Variants in NEK3 observed in about 807,000 individuals in gnomAD.
NEK3 encodes the protein NIMA related kinase 3.
NEK3 carries 54 observed loss-of-function variants against 66.0 expected under a neutral mutation model. That is an observed-to-expected ratio of 0.82 (90% CI 0.66 to 1.03). The LOEUF is 1.03. Among genes scored for constraint, NEK3 ranks in the 50% least tolerant of loss-of-function variants. The probability of loss-of-function intolerance (pLI) is 0.00; values close to 1 mark genes in which losing one functional copy is unlikely to be tolerated. For missense variants in NEK3, 593 were observed against 603.0 expected (o/e 0.98, Z 0.17); for synonymous variants, 200 against 206.2 (o/e 0.97, Z 0.26).
chr13:52,135,581 G>A (rs1956196962), intron 14 of NEK3, 148 bp downstream of exon 14: 1 of 584,532 alleles, frequency 1.7e-6, no homozygotes. Flanking sequence ...GATGGAAACT[G>A]GTGATGGCTG....
intron 8 of NEK3, among the ~76,000 whole-genome samples, chr13:52,147,961 A>T (rs1309902251): frequency 6.6e-6 from 1 of 152,152 alleles, no homozygotes; most frequent in Non-Finnish European, 1.5e-5. Context: ...GCACCACTGC[A>T]CTCCAGACTG....
At chr13:52,143,599 G>T (rs1244446717) in intron 10 of NEK3, among the ~76,000 whole-genome samples, 1 of 152,180 alleles carries the variant, frequency 6.6e-6, no homozygotes, top group Non-Finnish European at 1.5e-5. Flanking sequence ...TTCATGGATA[G>T]ATTCTTAGGT....
intron 2 of NEK3, among the ~76,000 whole-genome samples, chr13:52,155,660 C>T (rs943156963): frequency 6.6e-6 from 1 of 151,558 alleles, no homozygotes; most frequent in South Asian, 2.1e-4. Flanking sequence ...GGAGAAATTC[C>T]ATGTTAAAAC....
chr13:52,151,265 G>C (rs1300353398), intron 6 of NEK3, 33 bp from the exon 7 acceptor site: 2 of 1,594,518 alleles, frequency 1.3e-6, no homozygotes, highest in Non-Finnish European at 1.7e-6. Context: ...AATGATTACA[G>C]AACATTCCTG....
intron 8 of NEK3, among the ~76,000 whole-genome samples, chr13:52,146,081 T>G (rs893696304): frequency 2.0e-5 from 3 of 152,320 alleles, no homozygotes; most frequent in Middle Eastern, 3.4e-3. Flanking sequence ...ATAGTCAAAT[T>G]TATTCATCAT....
intron 4 of NEK3, among the ~76,000 whole-genome samples, 163 bp downstream of exon 4, chr13:52,153,732 T>C (rs1956366506): frequency 1.3e-5 from 2 of 152,146 alleles, no homozygotes; most frequent in Admixed American, 6.5e-5. Context: ...CAGGCAGCCA[T>C]ATCCTGAGGA....
intron 4 of NEK3, among the ~76,000 whole-genome samples, chr13:52,153,284 C>T (rs1477709113): frequency 6.6e-6 from 1 of 152,008 alleles, no homozygotes; most frequent in African/African-American, 2.4e-5. Flanking sequence ...CTACGGAACC[C>T]ACATTTTTAA....
chr13:52,137,553 T>C (rs1594021703), intron 11 of NEK3, among the ~76,000 whole-genome samples: 1 of 152,182 alleles, frequency 6.6e-6, no homozygotes, highest in African/African-American at 2.4e-5. Context: ...TAAGCAGTGG[T>C]TCTGAAACTT....
Position 52,143,946 on chromosome 13 carries a change from T to C in NEK3, c.846A>G (p.Lys282=). 6.6e-7 allele frequency: 1 copy of C among 1,505,910 alleles called. No homozygotes were observed. Among genetic ancestry groups the C allele is most frequent in the Non-Finnish European group, 9.0e-7 (1 of 1,110,554 alleles). The allele number at this position is 1,505,910 out of a possible 1,614,324, so 93.3% of individuals were successfully genotyped here. A position where few individuals can be genotyped will look rare whatever the true frequency, so the allele number is the denominator to read the frequency against. Residue 282 remains lysine, a synonymous_variant, in exon 10 of 16, where the codon AAA becomes AAG. Transcript: ENST00000610828. The part of the protein sequence containing the change: ...EYGEEVLEEI[K]NSKHNTPRKK... ...TTCTTGGTGTGTTATGCTTCGAATT[T>C]TTTATTTCTTCTAATACTTCCTCAC...
intron 11 of NEK3, among the ~76,000 whole-genome samples, chr13:52,139,761 C>T (rs1003341103): frequency 5.3e-5 from 8 of 151,876 alleles, no homozygotes; most frequent in African/African-American, 1.7e-4. Flanking sequence ...TAGCTGGGCA[C>T]GGTGGCTCGT....
At position 52,136,252 on chromosome 13, in the gene NEK3, C is replaced by T; in HGVS notation, c.1038G>A (p.Lys346=). ...RRVNREEKGN[K]SVHLRKASSP... is the part of the protein sequence containing the mutation. ...AACTGGCTTTCCTCAGATGGACTGA[C>T]TTATTACCTGATTTTAAAGTGTGAA... Residue 346 remains lysine, a synonymous_variant, in exon 13 of 16, where the codon AAG becomes AAA. Coordinates refer to ENST00000610828, the MANE Select transcript of NEK3 (RefSeq NM_002498.3). The T allele has an allele frequency of 1.9e-6, 3 of 1,613,554 alleles. No individual in the cohort carries two copies. The highest frequency in any genetic ancestry group is 2.5e-6 in the Non-Finnish European group (3 of 1,179,642).
intron 4 of NEK3, among the ~76,000 whole-genome samples, chr13:52,153,458 A>C (rs1956364064): frequency 6.6e-6 from 1 of 152,172 alleles, no homozygotes; most frequent in South Asian, 2.1e-4. Flanking sequence ...CAAGTCTTAG[A>C]CTGAAGGGAC....
At chr13:52,137,877 T>C (rs1956217788) in intron 11 of NEK3, among the ~76,000 whole-genome samples, 1 of 152,202 alleles carries the variant, frequency 6.6e-6, no homozygotes, top group South Asian at 2.1e-4. Flanking sequence ...TGACTGACTT[T>C]TTGGCCTTTT....
intron 2 of NEK3, among the ~76,000 whole-genome samples, chr13:52,155,330 A>G (rs1956386269): frequency 6.6e-6 from 1 of 152,248 alleles, no homozygotes; most frequent in Non-Finnish European, 1.5e-5. Context: ...GTAATGGTCT[A>G]CAAGGAAATA....
At chr13:52,157,761 G>A (rs1302885896) in intron 1 of NEK3, among the ~76,000 whole-genome samples, 1 of 152,204 alleles carries the variant, frequency 6.6e-6, no homozygotes, top group Non-Finnish European at 1.5e-5. Context: ...GTACATACAA[G>A]GTCCTGAATA....
intron 1 of NEK3, chr13:52,156,761 A>G (rs1217847713): frequency 6.6e-6 from 1 of 152,312 alleles, no homozygotes. Context: ...ACATTTATGC[A>G]TAAACCTTTT....
At position 52,136,793 on chromosome 13, in the gene NEK3, A is replaced by T; in HGVS notation, c.1030+7T>A. Reference sequence around the variant, plus strand: ...CCTAAGAAATGATTAGAATTTGAATAACTTACCTTTTTCTTCTCTGTTTAC... The same window carrying T: ...CCTAAGAAATGATTAGAATTTGAATTACTTACCTTTTTCTTCTCTGTTTAC... On this transcript the variant is annotated splice_region_variant and intron_variant, in intron 12 of 15. Transcript: ENST00000610828. 6.5e-7 allele frequency: 1 copy of T among 1,531,352 alleles called. No individual in the cohort carries two copies. Among genetic ancestry groups the T allele is most frequent in the Non-Finnish European group, 8.8e-7 (1 of 1,130,658 alleles). 94.9% of individuals were successfully genotyped at this position (1,531,352 alleles called of 1,614,324 possible).
In NEK3 at chr13:52,151,358, A is replaced by T. The variant is rs1191998945; in HGVS notation, c.428T>A (p.Leu143Ter). ...AAGACGGGCAGATCCAAAGTCTCCC[A>T]ATTTCACTTTTCCATTCTGAGTGAG... is the stretch of plus-strand genomic sequence containing the variant. Reference protein sequence around the residue: ...IFLTQNGKVKLGDFGSARLLS... With the variant: ...IFLTQNGKVK Residue 143 changes from leucine to a stop codon, truncating the protein, a stop_gained, in exon 6 of 16, where the codon TTG becomes TAG. Transcript: ENST00000610828. LOFTEE classifies it high-confidence loss of function. The T allele has an allele frequency of 1.3e-6, 2 of 1,596,706 alleles. No individual in the cohort carries two copies. Among genetic ancestry groups the T allele is most frequent in the East Asian group, 4.5e-5 (2 of 44,504 alleles).
At chr13:52,147,651 G>A (rs1275221565) in intron 8 of NEK3, among the ~76,000 whole-genome samples, 1 of 152,134 alleles carries the variant, frequency 6.6e-6, no homozygotes, top group Non-Finnish European at 1.5e-5. Flanking sequence ...AGAGTTTCTG[G>A]TTGGGGTGAT....
Sources: gnomAD v4.1 joint callset for allele counts (sites outside exome capture counted in the v4.1 genomes callset) on GRCh38, gnomAD v4.1.1 for gene constraint, MANE v1.5 for transcripts, NCBI Gene and HGNC (gene_info 2026-07-23, HGNC 2026-07-21) for gene names.